FANCA: variants seen among roughly 807,000 people sequenced by gnomAD.
FANCA encodes the protein Fanconi anemia group A protein.
A neutral mutation model predicts 194.3 loss-of-function variants in FANCA; 236 were observed. The ratio of observed to expected loss-of-function variants is 1.21; its 90% confidence interval spans 1.09 to 1.35. FANCA has a LOEUF of 1.35. FANCA is among the 40% of genes most tolerant of loss of function. FANCA has a pLI of 0.00. For synonymous variants in FANCA, 1,014 were observed against 715.8 expected (o/e 1.42, Z -6.65); for missense variants, 2,628 against 1,813.9 (o/e 1.45, Z -8.15).
At chr16:89,764,723 A>G in intron 28 of FANCA, 167 bp downstream of exon 28, 2 of 818,072 alleles carry the variant, frequency 2.4e-6, no homozygotes, top group South Asian at 1.4e-5. Context: ...CACGCACCCT[A>G]GACTCGAGAC....
At chr16:89,766,515 G>A (rs1166405576) in intron 27 of FANCA, among the ~76,000 whole-genome samples, 2 of 151,544 alleles carry the variant, frequency 1.3e-5, no homozygotes, top group African/African-American at 4.8e-5. Flanking sequence ...TTCGAAAACA[G>A]CCTGGCCAAC....
chr16:89,794,826 T>G (rs745439984), intron 11 of FANCA, among the ~76,000 whole-genome samples: 1 of 152,180 alleles, frequency 6.6e-6, no homozygotes, highest in Non-Finnish European at 1.5e-5. Context: ...GGACACCCAC[T>G]GGGCAGACGA....
At chr16:89,807,143 G>C (rs1326891868) in intron 6 of FANCA, among the ~76,000 whole-genome samples, 1 of 151,092 alleles carries the variant, frequency 6.6e-6, no homozygotes, top group Non-Finnish European at 1.5e-5. Context: ...ATAGATTTTG[G>C]TGCTGAGATA....
At position 89,782,932 on chromosome 16, in the gene FANCA, A is replaced by T. The variant is rs781553276; in HGVS notation, c.1567-14T>A. 5 of 1,613,774 alleles carry T rather than the reference A, an allele frequency of 3.1e-6. No homozygotes were observed. In the South Asian group the frequency reaches 4.4e-5, roughly 14 times the overall value. On this transcript the variant is annotated splice_polypyrimidine_tract_variant and intron_variant, in intron 16 of 42. Transcript: ENST00000389301. ...TTCTATAGAAACCTTCAGGGAAGAC[A>T]CAGAATGAGAACAAGAAAACAAAGC...
At chr16:89,742,994 T>C (rs964519966) in intron 36 of FANCA, 56 bp from the exon 37 acceptor site, 24 of 1,587,856 alleles carry the variant, frequency 1.5e-5, no homozygotes, top group East Asian at 1.4e-4. Context: ...AACCACGCCA[T>C]AGAAACCAAG....
At chr16:89,802,432 G>A (rs1284608516) in intron 8 of FANCA, among the ~76,000 whole-genome samples, 1 of 151,406 alleles carries the variant, frequency 6.6e-6, no homozygotes, top group Non-Finnish European at 1.5e-5. Flanking sequence ...CTGAGATGGA[G>A]TCTCTGTCGC....
chr16:89,740,042 C>G lies in FANCA; in HGVS notation c.3886G>C (p.Glu1296Gln). 1.2e-6 allele frequency: 2 copies of G among 1,614,208 alleles called. No homozygotes were observed. The highest frequency in any genetic ancestry group is 1.6e-4 in the Middle Eastern group (1 of 6,062). The change falls in exon 39 of 43, where the codon GAG (glutamate) becomes CAG (glutamine). Residue 1296 changes from glutamate to glutamine, a missense_variant. Physicochemically the swap from Glu to Gln is conservative, Grantham distance 29. Coordinates refer to ENST00000389301, the MANE Select transcript of FANCA (RefSeq NM_000135.4). ...HVCAAILECL[E>Q]KRKISWLALF... is the part of the protein sequence containing the mutation. ...GCCAGCCAGGATATCTTCCTCTTCT[C>G]TAAACACTCGAGGATTGCTGCACAA... is the stretch of plus-strand genomic sequence containing the variant.
At chr16:89,782,745 G>C (rs894364295) in intron 17 of FANCA, 114 bp downstream of exon 17, 4 of 941,352 alleles carry the variant, frequency 4.2e-6, no homozygotes, top group East Asian at 2.5e-5. Flanking sequence ...CCCGAGGCAA[G>C]ACCAGACATG....
intron 22 of FANCA, 137 bp downstream of exon 22, chr16:89,773,134 G>C: frequency 1.4e-6 from 1 of 734,806 alleles, no homozygotes; most frequent in Non-Finnish European, 2.4e-6. Flanking sequence ...CCGCCAGCCC[G>C]GGGTCAATCT....
chr16:89,769,385 G>T (rs1028027124), intron 26 of FANCA, among the ~76,000 whole-genome samples: 1 of 152,042 alleles, frequency 6.6e-6, no homozygotes, highest in Admixed American at 6.5e-5. Context: ...TTAACCACAG[G>T]GTCCTTCCTC....
intron 26 of FANCA, 39 bp from the exon 27 acceptor site, chr16:89,767,276 C>T (rs760096063): frequency 1.4e-5 from 19 of 1,392,158 alleles, no homozygotes; most frequent in Non-Finnish European, 1.9e-5. Context: ...GTAATCCATA[C>T]AAAATAAGGG....
At chr16:89,795,287 TA>T (rs2040204681) in intron 11 of FANCA, among the ~76,000 whole-genome samples, 2 of 133,454 alleles carry the variant, frequency 1.5e-5, no homozygotes, top group African/African-American at 7.1e-5. Context: ...CCATCTCCAA[TA>T]AATAAATAAA....
chr16:89,764,168 G>A (rs1016066271), intron 28 of FANCA, among the ~76,000 whole-genome samples: 11 of 147,756 alleles, frequency 7.4e-5, no homozygotes, highest in South Asian at 2.2e-4. Context: ...CTTGAACCCA[G>A]GAGGCAGAGG....
chr16:89,791,242 C>T (rs2040065725), intron 14 of FANCA, 161 bp downstream of exon 14: 2 of 940,400 alleles, frequency 2.1e-6, no homozygotes, highest in Non-Finnish European at 3.3e-6. Context: ...AACCCAGGCT[C>T]CTCGGCACAC....
intron 6 of FANCA, among the ~76,000 whole-genome samples, chr16:89,807,302 C>A (rs530514296): frequency 6.7e-6 from 1 of 149,798 alleles, no homozygotes. Context: ...ACTAAACATA[C>A]AAAAATTAGC....
rs11641147 is a variant in FANCA at position 89,747,181 on chromosome 16, C to T, written c.3349-291G>A. 0.059 allele frequency among the ~76,000 whole-genome samples: 9,055 copies of T among 152,220 alleles called. 418 individuals are homozygous for T. Among genetic ancestry groups the T allele is most frequent in the East Asian group, 0.22 (1,122 of 5,164 alleles). On this transcript the variant is annotated intron_variant, in intron 33 of 42. Transcript: ENST00000389301. ...GCACAAGCAGCCGCAGGGAAGGGGA[C>T]GCACCCGGAGCGTAGAACTGTGGTG...
At position 89,770,557 on chromosome 16, in the gene FANCA, C is replaced by T. The variant is rs374312736; in HGVS notation, c.2222+7G>A. ...CCCACCACTCAGGGAGCTGCCCGCG[C>T]CTTCACCTCTCCGGGGGAGCGACAC... On this transcript the variant is annotated splice_region_variant and intron_variant, in intron 24 of 42. Transcript: ENST00000389301. 265 of 1,604,520 alleles carry T rather than the reference C, an allele frequency of 1.7e-4. No homozygotes were observed. The highest frequency in any genetic ancestry group is 2.2e-4 in the Non-Finnish European group (259 of 1,175,604).
intron 29 of FANCA, 104 bp from the exon 30 acceptor site, chr16:89,758,809 A>C: frequency 1.9e-6 from 3 of 1,566,226 alleles, no homozygotes; most frequent in Non-Finnish European, 2.6e-6. Flanking sequence ...AGCACTAGTG[A>C]GAGCTGGGTT....
At chr16:89,786,632 T>C (rs2039907441) in intron 14 of FANCA, among the ~76,000 whole-genome samples, 1 of 151,966 alleles carries the variant, frequency 6.6e-6, no homozygotes. Flanking sequence ...TAGATTCTTT[T>C]GAATGTTATC....
Sources: allele counts gnomAD v4.1 joint callset (sites outside exome capture counted in the v4.1 genomes callset), GRCh38; gene constraint gnomAD v4.1.1; transcripts MANE v1.5; gene names NCBI Gene and HGNC (gene_info 2026-07-23, HGNC 2026-07-21).